The following MED17 variants were observed in gnomAD, a reference collection of about 807,000 sequenced individuals.
MED17 encodes mediator complex subunit 17.
In MED17, 49 loss-of-function variants were observed where a neutral mutation model predicts 80.8. That is an observed-to-expected ratio of 0.61 (90% CI 0.48 to 0.77). MED17 has a LOEUF of 0.77. MED17 is among the 30% of genes least tolerant of loss of function. The pLI is 0.00. For synonymous variants in MED17, 281 were observed against 280.4 expected (o/e 1.00, Z -0.02); for missense variants, 718 against 787.0 (o/e 0.91, Z 1.05).
At chr11:93,799,482 C>T (rs1943939372) in intron 8 of MED17, among the ~76,000 whole-genome samples, 1 of 152,066 alleles carries the variant, frequency 6.6e-6, no homozygotes, top group African/African-American at 2.4e-5. Context: ...GGCCAGGAAG[C>T]CTTTTTAAAA....
At chr11:93,794,330 G>A (rs1238707441) in intron 5 of MED17, 4 of 314,672 alleles carry the variant, frequency 1.3e-5, no homozygotes, top group South Asian at 3.0e-5. Flanking sequence ...TCAGCCTCCC[G>A]AGTAGCTGGG....
chr11:93,801,545 C>T, intron 8 of MED17: 1 of 364,126 alleles, frequency 2.7e-6, no homozygotes, highest in South Asian at 2.7e-5. Flanking sequence ...ATAAGCTTTT[C>T]TGAGTGGAAG....
At chr11:93,794,309 A>G in intron 5 of MED17, 1 of 335,280 alleles carries the variant, frequency 3.0e-6, no homozygotes, top group East Asian at 7.4e-5. Flanking sequence ...GGTTCAAGCG[A>G]TTCTCCTGCC....
rs1248084560 is a variant in MED17, at chr11:93,814,370, A to C, written c.*2306A>C. On this transcript the variant is annotated 3_prime_UTR_variant, in exon 12 of 12. Coordinates refer to ENST00000251871, the MANE Select transcript of MED17 (RefSeq NM_004268.5). ...TTTCTAGTTTAATGTTTTAACCTGA[A>C]TTTCCTGGAGTTTGAAGGATGTGCT... 2 of 152,158 alleles carry C rather than the reference A, an allele frequency of 1.3e-5. No homozygotes were observed. The highest frequency in any genetic ancestry group is 2.9e-5 in the Non-Finnish European group (2 of 68,038). 9.4% of individuals were successfully genotyped at this position (152,158 alleles called of 1,614,324 possible). A position where few individuals can be genotyped will look rare whatever the true frequency, so the allele number is the denominator to read the frequency against.
chr11:93,788,133 A>T lies in MED17; in HGVS notation c.383A>T (p.Asp128Val). 6.2e-7 allele frequency: 1 copy of T among 1,613,520 alleles called. No homozygotes were observed. Among genetic ancestry groups the T allele is most frequent in the South Asian group, 1.1e-5 (1 of 91,042 alleles). ...AGGGATAAAAAATTTATGACTCTTG[A>T]TCCTGTCTCTCAGGATGCACTTCCT... is the stretch of plus-strand genomic sequence containing the variant. ...IVRDKKFMTLDPVSQDALPPK... is the reference protein window; with the variant it reads ...IVRDKKFMTLVPVSQDALPPK... The change falls in exon 2 of 12, where the codon GAT becomes GTT. Residue 128 changes from aspartate to valine, a missense_variant. Transcript: ENST00000251871.
In MED17 at chr11:93,807,517, G is replaced by A; in HGVS notation, c.1467-1G>A. 6.5e-7 allele frequency: 1 copy of A among 1,539,286 alleles called. No individual in the cohort carries two copies. Among genetic ancestry groups the A allele is most frequent in the Non-Finnish European group, 9.0e-7 (1 of 1,112,040 alleles). On this transcript the variant is annotated splice_acceptor_variant, in intron 9 of 11. Transcript: ENST00000251871. LOFTEE classifies it high-confidence loss of function. ...GATTTTTAGTATGTGTGTCTATAAA[G>A]GTCCATTCAACTGCAATTGAATATT...
intron 2 of MED17, 22 bp from the exon 3 acceptor site, chr11:93,790,552 A>G: frequency 3.8e-6 from 6 of 1,597,992 alleles, no homozygotes; most frequent in Non-Finnish European, 5.1e-6. Flanking sequence ...GCAGAACTGC[A>G]TGTTTGGGTT....
Position 93,793,932 on chromosome 11 carries a change from T to C in MED17, c.775-19T>C. The C allele has an allele frequency of 6.2e-7, 1 of 1,613,670 alleles. No homozygotes were observed. Among genetic ancestry groups the C allele is most frequent in the Non-Finnish European group, 8.5e-7 (1 of 1,179,656 alleles). On this transcript the variant is annotated intron_variant, in intron 4 of 11. Coordinates refer to ENST00000251871, the MANE Select transcript of MED17 (RefSeq NM_004268.5). ...CTGAAGTTAATTTGTTAACTTTTTT[T>C]GTTTTTGTTGTCATATAGGTTTCAA...
At chr11:93,786,276 A>G (rs1244357916) in intron 1 of MED17, among the ~76,000 whole-genome samples, 1 of 152,144 alleles carries the variant, frequency 6.6e-6, no homozygotes, top group African/African-American at 2.4e-5. Flanking sequence ...AATAAACAGA[A>G]CATAGACTCA....
chr11:93,791,429 G>A (rs1943835431), intron 3 of MED17, among the ~76,000 whole-genome samples: 1 of 152,162 alleles, frequency 6.6e-6, no homozygotes, highest in African/African-American at 2.4e-5. Context: ...ACATGGCGGG[G>A]TGCAGTGGCT....
rs1565290760 is a variant in MED17 at position 93,796,457 on chromosome 11, T to C, written c.1060T>C (p.Ser354Pro). 1 of 1,613,638 alleles carries C rather than the reference T, an allele frequency of 6.2e-7. No homozygotes were observed. ...GTGCCATTCCTCAAATGATAAGAAATCCCAAAAATTTGCTACTGAGAAGCA... is the reference window on the plus strand; with the variant it reads ...GTGCCATTCCTCAAATGATAAGAAACCCCAAAAATTTGCTACTGAGAAGCA... Reference protein sequence around the residue: ...SLCHSSNDKKSQKFATEKQCP... With the variant: ...SLCHSSNDKKPQKFATEKQCP... The change falls in exon 7 of 12, where the codon TCC becomes CCC. Residue 354 changes from serine (S) to proline (P), a missense_variant. Physicochemically the swap from Ser to Pro is moderately conservative, Grantham distance 74. Transcript: ENST00000251871.
chr11:93,806,176 G>A (rs963491099), intron 9 of MED17: 1 of 151,904 alleles, frequency 6.6e-6, no homozygotes, highest in Non-Finnish European at 1.5e-5. Context: ...GTTTCACCAT[G>A]TTGGCCAGGA....
intron 9 of MED17, among the ~76,000 whole-genome samples, chr11:93,804,324 G>T (rs1944002426): frequency 6.6e-6 from 1 of 151,930 alleles, no homozygotes; most frequent in African/African-American, 2.4e-5. Context: ...GATTAAGGGT[G>T]GGTCTGCCTT....
chr11:93,797,686 TTAAAC>T lies in MED17; in HGVS notation c.1296_1300del (p.Lys433SerfsTer9). ...AGTGAAGGGCTTCTGGAAAAAATAA[TTAAAC>T]AAGCAAAGCATATTTTTCTAAGGAG... On this transcript the variant is annotated frameshift_variant, in exon 8 of 12. Transcript: ENST00000251871. LOFTEE classifies it high-confidence loss of function. 1 of 1,613,600 alleles carries T rather than the reference TTAAAC, an allele frequency of 6.2e-7. No individual in the cohort carries two copies. The highest frequency in any genetic ancestry group is 8.5e-7 in the Non-Finnish European group (1 of 1,179,572).
intron 10 of MED17, chr11:93,808,380 A>T: frequency 6.7e-6 from 1 of 148,998 alleles, no homozygotes; most frequent in Non-Finnish European, 1.5e-5. Context: ...AAAAAAAAAA[A>T]AAAAAAAAAA....
chr11:93,790,524 G>T, intron 2 of MED17, 50 bp from the exon 3 acceptor site: 1 of 1,483,426 alleles, frequency 6.7e-7, no homozygotes, highest in South Asian at 1.2e-5. Flanking sequence ...TGTAATTTTA[G>T]AGTCATTTAA....
chr11:93,784,773 G>A lies in MED17; in HGVS notation c.250+10G>A. The A allele has an allele frequency of 6.5e-7, 1 of 1,536,014 alleles. No homozygotes were observed. Among genetic ancestry groups the A allele is most frequent in the Non-Finnish European group, 8.7e-7 (1 of 1,147,236 alleles). On this transcript the variant is annotated intron_variant, in intron 1 of 11. Transcript: ENST00000251871. ...CAGGACGACGAGGAAGGTAAGGCCT[G>A]CATCCGCTGCCCGAGTCCCCCGGTC...
At chr11:93,787,372 T>C (rs138655219) in intron 1 of MED17, among the ~76,000 whole-genome samples, 7,449 of 151,598 alleles carry the variant, frequency 0.049, 600 homozygotes, top group African/African-American at 0.17. Context: ...GAGATCGCGC[T>C]ACTGCACTCC....
In MED17 at chr11:93,795,036, C is replaced by G. The variant is rs368755850; in HGVS notation, c.988C>G (p.Gln330Glu). ...AGTCCCTCACATTGTGGTGAAAAAC[C>G]AGATTATCTCTCAGCCCTTTCCGAG... ...SQVPHIVVKN[Q>E]IISQPFPSLQ... Residue 330 changes from glutamine (Q) to glutamate (E), a missense_variant, in exon 6 of 12, where the codon CAG (glutamine) becomes GAG (glutamate). Gln to Glu is a conservative substitution (Grantham distance 29). Coordinates refer to ENST00000251871, the MANE Select transcript of MED17 (RefSeq NM_004268.5). 4.3e-6 allele frequency: 7 copies of G among 1,614,136 alleles called. No homozygotes were observed. Among genetic ancestry groups the G allele is most frequent in the Non-Finnish European group, 5.9e-6 (7 of 1,180,024 alleles).
Sources: allele counts gnomAD v4.1 joint callset (sites outside exome capture counted in the v4.1 genomes callset), GRCh38; gene constraint gnomAD v4.1.1; transcripts MANE v1.5; gene names NCBI Gene and HGNC (gene_info 2026-07-23, HGNC 2026-07-21).